The following FBXW7 variants were observed in gnomAD, a reference collection of about 807,000 sequenced individuals.
FBXW7 encodes the protein F-box/WD repeat-containing protein 7.
In FBXW7, 11 loss-of-function variants were observed where a neutral mutation model predicts 86.3. The observed-to-expected ratio is 0.13, with a 90% confidence interval of 0.08 to 0.21. The LOEUF is 0.21. Among genes scored for constraint, FBXW7 ranks in the 10% least tolerant of loss-of-function variants. The pLI is 1.00. For synonymous variants in FBXW7, 313 were observed against 297.9 expected (o/e 1.05, Z -0.52); for missense variants, 488 against 847.4 (o/e 0.58, Z 5.27).
chr4:152,340,204 C>T (rs1009655237), intron 6 of FBXW7, among the ~76,000 whole-genome samples: 1 of 151,942 alleles, frequency 6.6e-6, no homozygotes, highest in Non-Finnish European at 1.5e-5. Context: ...TTAATAAGAA[C>T]CAGAGACAAT....
chr4:152,397,227 A>T (rs566588761), intron 4 of FBXW7, among the ~76,000 whole-genome samples: 13 of 152,036 alleles, frequency 8.6e-5, no homozygotes, highest in African/African-American at 2.9e-4. Flanking sequence ...CTGAAACATA[A>T]CACAGAAATT....
intron 2 of FBXW7, among the ~76,000 whole-genome samples, chr4:152,415,826 G>A (rs1361849763): frequency 2.0e-5 from 3 of 152,006 alleles, no homozygotes; most frequent in African/African-American, 4.8e-5. Context: ...CTTTGTGCTA[G>A]CTATTCCTCT....
Position 152,463,452 on chromosome 4 carries a change from G to C in FBXW7, c.-119-50923C>G, listed in dbSNP as rs1560929530. On this transcript the variant is annotated intron_variant, in intron 2 of 13. Coordinates refer to ENST00000281708, the MANE Select transcript of FBXW7 (RefSeq NM_001349798.2). ...GACAAAAATGTCATCTTCCTCATTA[G>C]TCAAACTTAGGACCAAAATATGACA... Among the ~76,000 whole-genome samples, 8 of 152,168 alleles carry C rather than the reference G, an allele frequency of 5.3e-5. No individual in the cohort carries two copies. In the South Asian group the frequency reaches 8.3e-4, roughly 16 times the overall value.
intron 4 of FBXW7, among the ~76,000 whole-genome samples, chr4:152,365,727 G>C (rs1733418683): frequency 6.6e-6 from 1 of 152,154 alleles, no homozygotes; most frequent in Non-Finnish European, 1.5e-5. Context: ...CAAATCTCAT[G>C]CTCCAACTGG....
rs1241303168 is a variant in FBXW7 at position 152,443,399 on chromosome 4, G to T, written c.-119-30870C>A. Among the ~76,000 whole-genome samples, 6 of 151,960 alleles carry T rather than the reference G, an allele frequency of 3.9e-5. No individual in the cohort carries two copies. The East Asian group carries it at 1.2e-3, about 29-fold the overall frequency. ...ACGATTAAAGTGTATGAAAGTGGGA[G>T]AAACATTTTCCTTTCAAAAAAATAC... On this transcript the variant is annotated intron_variant, in intron 2 of 13. Transcript: ENST00000281708.
chr4:152,452,582 C>T (rs1299505741), intron 2 of FBXW7, among the ~76,000 whole-genome samples: 1 of 152,052 alleles, frequency 6.6e-6, no homozygotes, highest in Non-Finnish European at 1.5e-5. Flanking sequence ...ACAACTACAG[C>T]AGTCCCTGGA....
chr4:152,375,651 A>G (rs1371515497), intron 4 of FBXW7, among the ~76,000 whole-genome samples: 1 of 152,136 alleles, frequency 6.6e-6, no homozygotes, highest in Non-Finnish European at 1.5e-5. Flanking sequence ...CAGAAAACCT[A>G]GAATAATAAA....
chr4:152,336,768 G>A (rs1043478075), intron 7 of FBXW7, among the ~76,000 whole-genome samples: 3 of 151,962 alleles, frequency 2.0e-5, no homozygotes, highest in Admixed American at 2.0e-4. Flanking sequence ...GCTTTTCTCT[G>A]GAGTTATGCT....
chr4:152,428,391 T>A (rs1273866459), intron 2 of FBXW7, among the ~76,000 whole-genome samples: 1 of 152,204 alleles, frequency 6.6e-6, no homozygotes, highest in Non-Finnish European at 1.5e-5. Flanking sequence ...TACAAAATTT[T>A]TTATTTCTAA....
intron 2 of FBXW7, among the ~76,000 whole-genome samples, chr4:152,523,864 G>C (rs1749252358): frequency 1.3e-5 from 2 of 152,156 alleles, no homozygotes; most frequent in Non-Finnish European, 2.9e-5. Context: ...AGTTTCAAGA[G>C]AGCAGGATTT....
rs1236746378 is a variant in FBXW7 at position 152,349,095 on chromosome 4, C to T, written c.584+947G>A. Among the ~76,000 whole-genome samples the T allele has an allele frequency of 3.9e-5, 6 of 151,992 alleles. No individual in the cohort carries two copies. In the East Asian group the frequency reaches 1.2e-3, roughly 29 times the overall value. Reference sequence around the variant, plus strand: ...CAACTGAAATAAAAACAAGCTATTTCTCTGTAAGAGGCACAATCTGCAACA... The same window carrying T: ...CAACTGAAATAAAAACAAGCTATTTTTCTGTAAGAGGCACAATCTGCAACA... On this transcript the variant is annotated intron_variant, in intron 5 of 13. Transcript: ENST00000281708.
At chr4:152,483,169 T>G (rs1280121779) in intron 2 of FBXW7, among the ~76,000 whole-genome samples, 1 of 152,196 alleles carries the variant, frequency 6.6e-6, no homozygotes, top group Admixed American at 6.5e-5. Flanking sequence ...CATATTTCTA[T>G]GAAAACTAAT....
chr4:152,473,623 G>T (rs1479826710), intron 2 of FBXW7, among the ~76,000 whole-genome samples: 1 of 152,032 alleles, frequency 6.6e-6, no homozygotes, highest in African/African-American at 2.4e-5. Context: ...TAGGACTACA[G>T]GTGTGCACCA....
intron 6 of FBXW7, among the ~76,000 whole-genome samples, chr4:152,340,968 T>C (rs1248636222): frequency 1.3e-5 from 2 of 152,216 alleles, no homozygotes; most frequent in Non-Finnish European, 2.9e-5. Context: ...CACCATCAGA[T>C]GCTTTTGATC....
At chr4:152,526,835 A>T (rs1405108417) in intron 2 of FBXW7, among the ~76,000 whole-genome samples, 1 of 152,200 alleles carries the variant, frequency 6.6e-6, no homozygotes, top group Non-Finnish European at 1.5e-5. Flanking sequence ...AGTTATGTTC[A>T]AATCAGTCTT....
At chr4:152,369,548 T>C (rs1733820840) in intron 4 of FBXW7, among the ~76,000 whole-genome samples, 1 of 152,068 alleles carries the variant, frequency 6.6e-6, no homozygotes, top group Non-Finnish European at 1.5e-5. Context: ...GGGGAAAAGT[T>C]ACTATATTTT....
chr4:152,322,789 T>C lies in FBXW7; in HGVS notation c.*92A>G. ...CCTGCACCACTGAGAACAAGGGATT[T>C]TTTTCTTTTTCTTTTCTTTTTTTCT... On this transcript the variant is annotated 3_prime_UTR_variant, in exon 14 of 14. Transcript: ENST00000281708. 1 of 1,548,874 alleles carries C rather than the reference T, an allele frequency of 6.5e-7. No homozygotes were observed. The highest frequency in any genetic ancestry group is 1.3e-5 in the South Asian group (1 of 77,564).
At chr4:152,377,870 C>A (rs980777810) in intron 4 of FBXW7, among the ~76,000 whole-genome samples, 1 of 151,868 alleles carries the variant, frequency 6.6e-6, no homozygotes, top group Admixed American at 6.6e-5. Flanking sequence ...TGGCTTAAAG[C>A]TCCAGAACCC....
intron 4 of FBXW7, among the ~76,000 whole-genome samples, chr4:152,387,505 T>G (rs902346599): frequency 6.6e-6 from 1 of 151,898 alleles, no homozygotes; most frequent in South Asian, 2.1e-4. Flanking sequence ...CAATTCATGG[T>G]TGAAGACGGA....
Sources: allele counts gnomAD v4.1 joint callset (sites outside exome capture counted in the v4.1 genomes callset), GRCh38; gene constraint gnomAD v4.1.1; transcripts MANE v1.5; gene names NCBI Gene and HGNC (gene_info 2026-07-23, HGNC 2026-07-21).